The following SUCO variants were observed in gnomAD, a reference collection of about 807,000 sequenced individuals.
The protein encoded by SUCO is SUN domain containing ossification factor, also known as SUN domain-containing ossification factor.
SUCO carries 57 observed loss-of-function variants against 148.1 expected under a neutral mutation model. The ratio of observed to expected loss-of-function variants is 0.38; its 90% CI spans 0.31 to 0.48. The LOEUF is 0.48. Among genes scored for constraint, SUCO ranks in the 20% least tolerant of loss-of-function variants. The probability of loss-of-function intolerance (pLI) is 0.96; values close to 1 mark genes in which losing one functional copy is unlikely to be tolerated. For synonymous variants in SUCO, 470 were observed against 502.7 expected (o/e 0.93, Z 0.87); for missense variants, 1,331 against 1,468.2 (o/e 0.91, Z 1.53).
At chr1:172,602,439 A>C (rs1353554207) in intron 21 of SUCO, 1 of 983,280 alleles carries the variant, frequency 1.0e-6, no homozygotes, top group African/African-American at 1.7e-5. Context: ...AGTGCATGAA[A>C]CCCCTGAAAT....
In SUCO at chr1:172,588,567, T is replaced by G. The variant is rs989985844; in HGVS notation, c.1659-193T>G. 1.1e-5 allele frequency: 11 copies of G among 985,070 alleles called. No homozygotes were observed. In the African/African-American group the frequency reaches 1.9e-4, roughly 17 times the overall value. 61.0% of individuals were successfully genotyped at this position (985,070 alleles called of 1,614,324 possible). On this transcript the variant is annotated intron_variant, in intron 17 of 23. Transcript: ENST00000263688. ...GGCTAGTCACTTGATAAATAGTATT[T>G]CTCTTATCATTTCTGAGCAGTATTT...
At chr1:172,603,586 C>T (rs963545954) in intron 22 of SUCO, among the ~76,000 whole-genome samples, 1 of 151,876 alleles carries the variant, frequency 6.6e-6, no homozygotes, top group Non-Finnish European at 1.5e-5. Flanking sequence ...CTTCTTCCTC[C>T]TTGCTTTTTT....
intron 13 of SUCO, 130 bp downstream of exon 13, chr1:172,577,949 C>CT (rs1484114151): frequency 1.5e-6 from 1 of 648,896 alleles, no homozygotes; most frequent in African/African-American, 1.9e-5. Flanking sequence ...ACTGTGAAAC[C>CT]TTTCTTTTGA....
At chr1:172,607,953 T>G (rs192258904) in intron 22 of SUCO, 1 of 298,776 alleles carries the variant, frequency 3.3e-6, no homozygotes, top group Admixed American at 6.5e-5. Context: ...GTGTAAGCTT[T>G]TGTCTCTGTC....
chr1:172,588,060 T>C (rs1041551122), intron 17 of SUCO: 1 of 982,546 alleles, frequency 1.0e-6, no homozygotes, highest in Admixed American at 6.2e-5. Context: ...GAATTGTTAT[T>C]AAAGTGGTTA....
intron 15 of SUCO, among the ~76,000 whole-genome samples, chr1:172,583,534 A>G (rs924632798): frequency 2.3e-4 from 35 of 152,186 alleles, no homozygotes; most frequent in African/African-American, 8.2e-4. Context: ...AGCTCCAGGC[A>G]GCACTCTTTG....
At chr1:172,577,079 AT>A in intron 11 of SUCO, 1 of 685,482 alleles carries the variant, frequency 1.5e-6, no homozygotes. Flanking sequence ...ATATCATTCC[AT>A]AATGGACTGT....
intron 15 of SUCO, chr1:172,584,440 C>G (rs1047014441): frequency 8.6e-6 from 6 of 694,296 alleles, no homozygotes; most frequent in African/African-American, 7.8e-5. Flanking sequence ...ATGCTGAAGA[C>G]AGTGTTTTGG....
rs541662100 is a variant in SUCO, at chr1:172,586,049, C to G, written c.1658+101C>G. On this transcript the variant is annotated intron_variant, in intron 17 of 23. Transcript: ENST00000263688. The stretch of plus-strand genomic sequence containing the variant: ...TGTGATTTGTGTGTGAAATGATTAC[C>G]TGTAGAGAGCTCTGAATCATAGGAT... 186 of 689,638 alleles carry G rather than the reference C, an allele frequency of 2.7e-4. No individual in the cohort carries two copies. In the African/African-American group the frequency reaches 3.0e-3, roughly 11 times the overall value. 42.7% of individuals were successfully genotyped at this position (689,638 alleles called of 1,614,324 possible). A position where few individuals can be genotyped will look rare whatever the true frequency, so the allele number is the denominator to read the frequency against.
chr1:172,583,650 C>T (rs1305513980), intron 15 of SUCO, among the ~76,000 whole-genome samples: 1 of 152,028 alleles, frequency 6.6e-6, no homozygotes, highest in Non-Finnish European at 1.5e-5. Context: ...CTCTGTGGAT[C>T]GCTTTAGGAA....
intron 6 of SUCO, among the ~76,000 whole-genome samples, chr1:172,558,806 T>C (rs1440388302): frequency 6.6e-6 from 1 of 152,232 alleles, no homozygotes; most frequent in Non-Finnish European, 1.5e-5. Context: ...TTTGAAGGTA[T>C]TTATAATAAT....
chr1:172,598,940 C>T lies in SUCO; in HGVS notation c.2914-1124C>T, dbSNP rs1337831559. On this transcript the variant is annotated intron_variant, in intron 19 of 23. Transcript: ENST00000263688. ...TATTTTGTTACAGTTTTATACACCC[C>T]CCCTCTCCACACACAGGTACACAGC... is the stretch of plus-strand genomic sequence containing the variant. Among the ~76,000 whole-genome samples, 23 of 152,080 alleles carry T rather than the reference C, an allele frequency of 1.5e-4. 1 individual carries two copies. The highest frequency in any genetic ancestry group is 1.5e-3 in the Admixed American group (23 of 15,282).
rs1186603655 is a variant in SUCO at position 172,610,231 on chromosome 1, G to A, written c.3737G>A (p.Gly1246Asp). Residue 1246 changes from glycine (G) to aspartate (D), a missense_variant, in exon 24 of 24, where the codon GGT becomes GAT. Transcript: ENST00000263688. Reference protein sequence around the residue: ...GNKEITVGTFGVTAVSGHI With the variant: ...GNKEITVGTFDVTAVSGHI ...AAAGAGATCACCGTGGGAACATTTG[G>A]TGTTACAGCAGTCTCGGGACATATC... 2.5e-6 allele frequency: 4 copies of A among 1,602,096 alleles called. No homozygotes were observed. In the African/African-American group the frequency reaches 4.0e-5, roughly 16 times the overall value.
intron 21 of SUCO, 118 bp from the exon 22 acceptor site, chr1:172,602,578 A>T (rs542484608): frequency 1.4e-6 from 2 of 1,477,574 alleles, no homozygotes; most frequent in Middle Eastern, 1.8e-4. Flanking sequence ...CTGGAGTGTT[A>T]GAGTTAGTCC....
chr1:172,563,274 G>A (rs1186759950), intron 6 of SUCO, among the ~76,000 whole-genome samples: 3 of 152,228 alleles, frequency 2.0e-5, no homozygotes, highest in African/African-American at 7.2e-5. Context: ...GGACAGTTTG[G>A]AGGGCTCAGA....
At chr1:172,577,712 A>C in intron 12 of SUCO, 52 bp from the exon 13 acceptor site, 1 of 1,583,084 alleles carries the variant, frequency 6.3e-7, no homozygotes, top group Non-Finnish European at 8.6e-7. Context: ...ATTGTTAGAT[A>C]ATCTTACATG....
intron 11 of SUCO, chr1:172,576,836 A>T: frequency 1.3e-6 from 1 of 792,852 alleles, no homozygotes; most frequent in African/African-American, 1.9e-5. Context: ...TGAAAAGCAG[A>T]GAAAAATTAC....
At chr1:172,600,217 G>T (rs969942278) in intron 20 of SUCO, 49 bp downstream of exon 20, 2 of 1,298,128 alleles carry the variant, frequency 1.5e-6, no homozygotes, top group Non-Finnish European at 2.2e-6. Context: ...TATAGAGGTT[G>T]TCATAAAGCC....
intron 19 of SUCO, among the ~76,000 whole-genome samples, chr1:172,591,938 C>T (rs558391424): frequency 6.6e-6 from 1 of 152,216 alleles, no homozygotes; most frequent in South Asian, 2.1e-4. Flanking sequence ...CTCTCCAGCA[C>T]CTGTTGTTTC....
Sources: allele counts gnomAD v4.1 joint callset (sites outside exome capture counted in the v4.1 genomes callset), GRCh38; gene constraint gnomAD v4.1.1; transcripts MANE v1.5; gene names NCBI Gene and HGNC (gene_info 2026-07-23, HGNC 2026-07-21).